The following PIP5K1C variants were observed in gnomAD, a reference collection of about 807,000 sequenced individuals.
PIP5K1C encodes phosphatidylinositol-4-phosphate 5-kinase type 1 gamma.
Under a neutral mutation model 80.1 loss-of-function variants are expected in PIP5K1C, and 45 were observed. The observed-to-expected ratio is 0.56, with a 90% confidence interval of 0.44 to 0.72. PIP5K1C has a LOEUF of 0.72. Ranked by LOEUF, PIP5K1C falls within the 30% of genes least tolerant of loss-of-function variation. The pLI, the probability that PIP5K1C is intolerant of heterozygous loss-of-function variation, is 0.00. For synonymous variants in PIP5K1C, 498 were observed against 420.1 expected (o/e 1.19, Z -2.27); for missense variants, 753 against 954.6 (o/e 0.79, Z 2.78).
chr19:3,659,577 A>G (rs946433921), intron 5 of PIP5K1C, among the ~76,000 whole-genome samples: 2 of 152,150 alleles, frequency 1.3e-5, no homozygotes, highest in Non-Finnish European at 2.9e-5. Context: ...TCTAGGCAAA[A>G]ACCCCAGCTG....
chr19:3,656,639 C>A, intron 5 of PIP5K1C, 82 bp from the exon 6 acceptor site: 1 of 1,499,748 alleles, frequency 6.7e-7, no homozygotes, highest in Non-Finnish European at 9.2e-7. Context: ...CCCAACAGCC[C>A]CAGGAACTGA....
chr19:3,662,072 G>T (rs1373895949), intron 3 of PIP5K1C, 71 bp from the exon 4 acceptor site: 1 of 1,514,198 alleles, frequency 6.6e-7, no homozygotes. Flanking sequence ...GTGTGCACCG[G>T]GGGGTGGAGA....
At chr19:3,645,325 G>A (rs1369752502) in intron 11 of PIP5K1C, among the ~76,000 whole-genome samples, 1 of 152,242 alleles carries the variant, frequency 6.6e-6, no homozygotes, top group Non-Finnish European at 1.5e-5. Context: ...AGACCCCAGG[G>A]GGGAATCCAT....
intron 1 of PIP5K1C, among the ~76,000 whole-genome samples, chr19:3,682,516 C>T (rs1482202022): frequency 6.6e-6 from 1 of 151,882 alleles, no homozygotes; most frequent in Admixed American, 6.6e-5. Flanking sequence ...ATAGCAAGAC[C>T]CCACCTCTTC....
In PIP5K1C at chr19:3,633,526, A is replaced by G; in HGVS notation, c.1921-6T>C. ...CAGCTCCTCTCATCGGTGGGCTGGC[A>G]GGTGGGCGCGCGTGCAGGAGGGCGC... On this transcript the variant is annotated splice_region_variant and splice_polypyrimidine_tract_variant and intron_variant, in intron 16 of 17. Transcript: ENST00000335312. 6.7e-7 allele frequency: 1 copy of G among 1,491,500 alleles called. No homozygotes were observed. The highest frequency in any genetic ancestry group is 9.0e-7 in the Non-Finnish European group (1 of 1,115,620). The allele number at this position is 1,491,500 out of a possible 1,614,324, so 92.4% of individuals were successfully genotyped here.
rs1177091020 is a variant in PIP5K1C, at chr19:3,644,093, C to T, written c.1504G>A (p.Asp502Asn). ...TCTGCCCTCTGCCCCTCACCTTCGTCCTCCAGCGTGGGGTAGCTGCGGGCC... is the reference window on the plus strand; with the variant it reads ...TCTGCCCTCTGCCCCTCACCTTCGTTCTCCAGCGTGGGGTAGCTGCGGGCC... ...RGARSYPTLE[D>N]EGRPDLLPCT... The change falls in exon 12 of 18, where the codon GAC becomes AAC. Residue 502 changes from aspartate (D) to asparagine (N), a missense_variant. Coordinates refer to ENST00000335312, the MANE Select transcript of PIP5K1C (RefSeq NM_012398.3). 4 of 1,610,974 alleles carry T rather than the reference C, an allele frequency of 2.5e-6. No homozygotes were observed. The highest frequency in any genetic ancestry group is 2.7e-5 in the African/African-American group (2 of 74,880).
intron 1 of PIP5K1C, among the ~76,000 whole-genome samples, chr19:3,671,964 G>A (rs1029510300): frequency 1.3e-5 from 2 of 152,236 alleles, no homozygotes; most frequent in Non-Finnish European, 2.9e-5. Context: ...GCCGCGCTGC[G>A]GAGCCGGGAG....
chr19:3,666,770 CGCAG>C (rs1207105581), intron 2 of PIP5K1C, among the ~76,000 whole-genome samples: 12 of 152,086 alleles, frequency 7.9e-5, no homozygotes, highest in Admixed American at 4.6e-4. Flanking sequence ...CACACACGCA[CGCAG>C]GCAAACATGC....
chr19:3,662,058 CCCT>C, intron 3 of PIP5K1C, 57 bp from the exon 4 acceptor site: 2 of 1,535,104 alleles, frequency 1.3e-6, no homozygotes, highest in South Asian at 2.4e-5. Context: ...GCCCTGCACC[CCCT>C]GTGTGCACCG....
chr19:3,666,572 C>G (rs1473126347), intron 2 of PIP5K1C, among the ~76,000 whole-genome samples: 1 of 151,682 alleles, frequency 6.6e-6, no homozygotes, highest in Non-Finnish European at 1.5e-5. Flanking sequence ...CACACATGCA[C>G]TCAGGCAAAC....
At chr19:3,666,909 G>T (rs1308695592) in intron 2 of PIP5K1C, among the ~76,000 whole-genome samples, 1 of 152,238 alleles carries the variant, frequency 6.6e-6, no homozygotes, top group Admixed American at 6.5e-5. Flanking sequence ...TGGTAGCCTC[G>T]GGCATCGCCC....
intron 15 of PIP5K1C, among the ~76,000 whole-genome samples, chr19:3,641,274 G>A (rs978137310): frequency 6.6e-6 from 1 of 151,332 alleles, no homozygotes; most frequent in African/African-American, 2.4e-5. Context: ...TACTAAAAAG[G>A]TTAAAAAAAA....
intron 1 of PIP5K1C, among the ~76,000 whole-genome samples, chr19:3,670,954 G>A (rs2035185546): frequency 6.6e-6 from 1 of 152,272 alleles, no homozygotes; most frequent in Non-Finnish European, 1.5e-5. Context: ...CAAAGGGCCT[G>A]CTCTGGGCCG....
intron 1 of PIP5K1C, among the ~76,000 whole-genome samples, chr19:3,694,812 C>T (rs537564822): frequency 3.3e-5 from 5 of 152,350 alleles, no homozygotes; most frequent in South Asian, 4.1e-4. Flanking sequence ...CCTCAGCTGC[C>T]GCAGGCCTGG....
At position 3,659,405 on chromosome 19, in the gene PIP5K1C, A is replaced by G. The variant is rs543253407; in HGVS notation, c.468+1561T>C. Among the ~76,000 whole-genome samples, 17 of 152,282 alleles carry G rather than the reference A, an allele frequency of 1.1e-4. No individual in the cohort carries two copies. The South Asian group carries it at 3.3e-3, about 30-fold the overall frequency. Reference sequence around the variant, plus strand: ...ACCTGGCCTAAGGCCCTGGAATGCGATCTTATCGGGTTCTAGGTGAGACCC... The same window carrying G: ...ACCTGGCCTAAGGCCCTGGAATGCGGTCTTATCGGGTTCTAGGTGAGACCC... On this transcript the variant is annotated intron_variant, in intron 5 of 17. Coordinates refer to ENST00000335312, the MANE Select transcript of PIP5K1C (RefSeq NM_012398.3).
chr19:3,653,184 G>T, intron 7 of PIP5K1C, 106 bp downstream of exon 7: 2 of 1,012,272 alleles, frequency 2.0e-6, no homozygotes, highest in Non-Finnish European at 3.0e-6. Context: ...TGCAGGGCAG[G>T]TGGGCCTCGG....
intron 1 of PIP5K1C, among the ~76,000 whole-genome samples, chr19:3,682,445 C>T (rs939725689): frequency 7.9e-5 from 12 of 151,776 alleles, no homozygotes; most frequent in African/African-American, 1.7e-4. Flanking sequence ...ACTTGGAGGC[C>T]GAGGTGGGAG....
intron 1 of PIP5K1C, among the ~76,000 whole-genome samples, chr19:3,698,405 A>G (rs1490354241): frequency 1.3e-5 from 2 of 152,222 alleles, no homozygotes; most frequent in African/African-American, 4.8e-5. Flanking sequence ...GCTCCCCCTT[A>G]ACCACTGCCT....
chr19:3,639,130 G>A (rs994243320), intron 15 of PIP5K1C, 114 bp from the exon 16 acceptor site: 2 of 1,307,408 alleles, frequency 1.5e-6, no homozygotes, highest in East Asian at 4.7e-5. Flanking sequence ...GAGATGAAAA[G>A]CCAGGCAGCT....
Sources: allele counts gnomAD v4.1 joint callset (sites outside exome capture counted in the v4.1 genomes callset), GRCh38; gene constraint gnomAD v4.1.1; transcripts MANE v1.5; gene names NCBI Gene and HGNC (gene_info 2026-07-23, HGNC 2026-07-21).